ECHDC1: variants seen among roughly 807,000 people sequenced by gnomAD.
The protein encoded by ECHDC1 is ethylmalonyl-CoA decarboxylase 1, also known as ethylmalonyl-CoA decarboxylase.
Under a neutral mutation model 29.7 loss-of-function variants are expected in ECHDC1, and 29 were observed. That is an observed-to-expected ratio of 0.98 (90% confidence interval 0.73 to 1.33). The LOEUF (loss-of-function observed/expected upper bound fraction) is 1.33, where lower values mean the gene tolerates loss of function less well. ECHDC1 is among the 40% of genes most tolerant of loss of function. ECHDC1 has a pLI of 0.00. For synonymous variants in ECHDC1, 126 were observed against 123.1 expected, an observed-to-expected ratio of 1.02 and a Z score of -0.15; for missense variants, 328 against 350.0, an observed-to-expected ratio of 0.94 and a Z score of 0.50.
chr6:127,333,823 A>T (rs80021449), intron 1 of ECHDC1, among the ~76,000 whole-genome samples: 1,638 of 152,222 alleles, frequency 0.011, 33 homozygotes, highest in African/African-American at 0.038. Context: ...AGGCAGTGAA[A>T]GCTCCAGTTG....
chr6:127,316,450 C>T lies in ECHDC1; in HGVS notation c.416G>A (p.Arg139Lys), dbSNP rs1266585797. ...TATTTTAAAAAGAAGGCTGCATTACCTCATAAATCTTGTTAAGGTGTTTTG... is the reference window on the plus strand; with the variant it reads ...TATTTTAAAAAGAAGGCTGCATTACTTCATAAATCTTGTTAAGGTGTTTTG... ...FMQNTLTRFMRLPLISVALVQ... is the reference protein window; with the variant it reads ...FMQNTLTRFMKLPLISVALVQ... Residue 139 changes from arginine to lysine, a missense_variant and splice_region_variant, in exon 4 of 6, where the codon AGA becomes AAA. Physicochemically the swap from Arg to Lys is conservative, Grantham distance 26. Transcript: ENST00000454859. The T allele has an allele frequency of 1.2e-6, 2 of 1,601,114 alleles. No individual in the cohort carries two copies. Among genetic ancestry groups the T allele is most frequent in the East Asian group, 2.3e-5 (1 of 44,422 alleles).
chr6:127,301,514 T>C (rs985431166), intron 5 of ECHDC1, among the ~76,000 whole-genome samples: 6 of 152,176 alleles, frequency 3.9e-5, no homozygotes, highest in Admixed American at 3.9e-4. Flanking sequence ...CAAGCAGACA[T>C]TCTTAGGAAA....
intron 5 of ECHDC1, among the ~76,000 whole-genome samples, chr6:127,300,280 C>A (rs1258860225): frequency 6.6e-6 from 1 of 152,192 alleles, no homozygotes; most frequent in Admixed American, 6.6e-5. Context: ...AGCAACAAAT[C>A]TGACAATTAA....
At chr6:127,301,598 G>A (rs1011209038) in intron 5 of ECHDC1, among the ~76,000 whole-genome samples, 1 of 152,150 alleles carries the variant, frequency 6.6e-6, no homozygotes, top group Non-Finnish European at 1.5e-5. Flanking sequence ...TCAGCTAGAG[G>A]AACTTGTACT....
At chr6:127,333,999 A>C (rs762962431) in intron 1 of ECHDC1, among the ~76,000 whole-genome samples, 2 of 152,122 alleles carry the variant, frequency 1.3e-5, no homozygotes, top group African/African-American at 4.8e-5. Context: ...GTTCCTGTGC[A>C]AGCTTTTTGC....
chr6:127,321,270 G>A (rs538111403), intron 3 of ECHDC1, among the ~76,000 whole-genome samples: 12 of 152,274 alleles, frequency 7.9e-5, no homozygotes, highest in African/African-American at 2.9e-4. Flanking sequence ...GGATAAAGAA[G>A]AGCCTCACTA....
chr6:127,305,898 C>T (rs930903593), intron 5 of ECHDC1, among the ~76,000 whole-genome samples: 10 of 150,864 alleles, frequency 6.6e-5, no homozygotes, highest in African/African-American at 2.4e-4. Flanking sequence ...GAGAAGACCA[C>T]AAAACAACCC....
intron 5 of ECHDC1, among the ~76,000 whole-genome samples, chr6:127,297,773 T>TAC (rs1780729750): frequency 6.6e-6 from 1 of 152,170 alleles, no homozygotes; most frequent in South Asian, 2.1e-4. Context: ...TAAGGAGAGT[T>TAC]ACACAAATAG....
intron 5 of ECHDC1, among the ~76,000 whole-genome samples, chr6:127,313,794 A>T (rs980548368): frequency 6.6e-6 from 1 of 152,240 alleles, no homozygotes; most frequent in African/African-American, 2.4e-5. Context: ...AGACAGTTGT[A>T]TAAGATAATC....
chr6:127,337,830 C>T (rs1478637111), intron 1 of ECHDC1, among the ~76,000 whole-genome samples: 2 of 152,182 alleles, frequency 1.3e-5, no homozygotes, highest in African/African-American at 4.8e-5. Context: ...TTTCACTACC[C>T]TTAGACCGAA....
chr6:127,340,526 C>A (rs1289285872), intron 1 of ECHDC1, among the ~76,000 whole-genome samples: 1 of 152,134 alleles, frequency 6.6e-6, no homozygotes, highest in Non-Finnish European at 1.5e-5. Flanking sequence ...GGTCATGTAC[C>A]AGTTCAGCTA....
At chr6:127,336,604 C>T (rs1265416834) in intron 1 of ECHDC1, among the ~76,000 whole-genome samples, 2 of 152,112 alleles carry the variant, frequency 1.3e-5, no homozygotes, top group African/African-American at 2.4e-5. Flanking sequence ...AACTGGAAAG[C>T]AAAACTTTCC....
chr6:127,303,607 G>C (rs1017273671), intron 5 of ECHDC1, among the ~76,000 whole-genome samples: 1 of 152,204 alleles, frequency 6.6e-6, no homozygotes, highest in Non-Finnish European at 1.5e-5. Context: ...TTTAAGGAAA[G>C]AAGTCATCTC....
chr6:127,306,395 A>T (rs1781442083), intron 5 of ECHDC1, among the ~76,000 whole-genome samples: 1 of 152,136 alleles, frequency 6.6e-6, no homozygotes, highest in Non-Finnish European at 1.5e-5. Flanking sequence ...TACGGTTTGG[A>T]TTTGGGTCCT....
At chr6:127,301,676 C>T (rs895432298) in intron 5 of ECHDC1, among the ~76,000 whole-genome samples, 4 of 152,282 alleles carry the variant, frequency 2.6e-5, no homozygotes, top group South Asian at 4.1e-4. Flanking sequence ...TCTCTATTAG[C>T]CTCTAACATT....
rs1156896714 is a variant in ECHDC1, at chr6:127,290,049, C to A, written c.726G>T (p.Trp242Cys). The change falls in exon 6 of 6, where the codon TGG becomes TGT. Residue 242 changes from tryptophan (W) to cysteine (C), a missense_variant. Transcript: ENST00000454859. Reference protein sequence around the residue: ...ETKSLEEAQEWLKQFIQGPPE... With the variant: ...ETKSLEEAQECLKQFIQGPPE... ...GTGGCCCTTGGATGAATTGCTTTAG[C>A]CATTCTTGTGCCTCTTCTAGAGATT... 1.2e-6 allele frequency: 2 copies of A among 1,613,676 alleles called. No homozygotes were observed. The highest frequency in any genetic ancestry group is 1.3e-5 in the African/African-American group (1 of 75,014).
intron 5 of ECHDC1, among the ~76,000 whole-genome samples, chr6:127,292,385 G>A (rs1052754122): frequency 6.6e-6 from 1 of 151,920 alleles, no homozygotes; most frequent in African/African-American, 2.4e-5. Flanking sequence ...GGTAAAGTGT[G>A]TCTTTTGGAA....
chr6:127,329,957 T>C (rs1583001425), intron 2 of ECHDC1: 3 of 436,766 alleles, frequency 6.9e-6, no homozygotes, highest in Admixed American at 2.7e-5. Flanking sequence ...TTACAGACTA[T>C]TGAATTATGT....
intron 1 of ECHDC1, among the ~76,000 whole-genome samples, chr6:127,333,328 C>T (rs1354781386): frequency 6.6e-6 from 1 of 152,124 alleles, no homozygotes; most frequent in Admixed American, 6.5e-5. Context: ...TTTCCCTTGG[C>T]TTAGTGATTT....
Sources: allele counts gnomAD v4.1 joint callset (sites outside exome capture counted in the v4.1 genomes callset), GRCh38; gene constraint gnomAD v4.1.1; transcripts MANE v1.5; gene names NCBI Gene and HGNC (gene_info 2026-07-23, HGNC 2026-07-21).